The following CDC14A variants were observed in gnomAD, a reference collection of about 807,000 sequenced individuals.
CDC14A encodes dual specificity protein phosphatase CDC14A.
Under a neutral mutation model 74.4 loss-of-function variants are expected in CDC14A, and 53 were observed. The ratio of observed to expected loss-of-function variants is 0.71; its 90% CI spans 0.57 to 0.89. CDC14A has a LOEUF of 0.89. CDC14A is among the 40% of genes least tolerant of loss of function. The pLI is 0.00. For missense variants in CDC14A, 646 were observed against 713.7 expected (o/e 0.91, Z 1.08); for synonymous variants, 247 against 258.4 (o/e 0.96, Z 0.43).
intron 9 of CDC14A, among the ~76,000 whole-genome samples, chr1:100,464,926 C>CTTTTCT (rs1475672404): frequency 7.2e-6 from 1 of 138,836 alleles, no homozygotes; most frequent in African/African-American, 2.6e-5. Context: ...CTTTTCTTTT[C>CTTTTCT]TTTTTTTTTT....
chr1:100,356,627 A>C (rs142130264), intron 2 of CDC14A, among the ~76,000 whole-genome samples: 347 of 152,154 alleles, frequency 2.3e-3, no homozygotes, highest in African/African-American at 8.0e-3. Context: ...AGGCCGAGGC[A>C]GGTGGATCAC....
chr1:100,514,940 T>A (rs1225333142), intron 15 of CDC14A, among the ~76,000 whole-genome samples: 1 of 152,212 alleles, frequency 6.6e-6, no homozygotes, highest in Non-Finnish European at 1.5e-5. Context: ...CTATAAAAAT[T>A]AAAAATGCCA....
At chr1:100,513,374 A>T (rs1649943777) in intron 15 of CDC14A, among the ~76,000 whole-genome samples, 1 of 152,198 alleles carries the variant, frequency 6.6e-6, no homozygotes. Flanking sequence ...TGTGGTTAGA[A>T]CTTAAACCAG....
chr1:100,375,941 G>A (rs7545610), intron 2 of CDC14A, among the ~76,000 whole-genome samples: 46,692 of 151,894 alleles, frequency 0.31, 10,268 homozygotes, highest in African/African-American at 0.63. Context: ...AATGTGGCAC[G>A]TATACACCAT....
intron 10 of CDC14A, among the ~76,000 whole-genome samples, chr1:100,476,320 G>A (rs369583942): frequency 6.6e-6 from 1 of 152,286 alleles, no homozygotes; most frequent in South Asian, 2.1e-4. Flanking sequence ...GGGCATGGTG[G>A]CATGTGCCTG....
chr1:100,438,631 T>G (rs1216668291), intron 5 of CDC14A, among the ~76,000 whole-genome samples: 1 of 152,196 alleles, frequency 6.6e-6, no homozygotes, highest in Non-Finnish European at 1.5e-5. Flanking sequence ...CCTTTTGAAA[T>G]GAGACATAAA....
At chr1:100,401,183 G>C (rs1251249787) in intron 4 of CDC14A, among the ~76,000 whole-genome samples, 1 of 152,072 alleles carries the variant, frequency 6.6e-6, no homozygotes, top group African/African-American at 2.4e-5. Flanking sequence ...TGAATTAAGG[G>C]GATGTACTTT....
chr1:100,416,384 G>A lies in CDC14A; in HGVS notation c.310-7838G>A, dbSNP rs1661531036. 2.0e-5 allele frequency among the ~76,000 whole-genome samples: 3 copies of A among 152,146 alleles called. No homozygotes were observed. In the South Asian group the frequency reaches 6.2e-4, roughly 32 times the overall value. ...TGCAGAAAGACATGGCCCACCTCAG[G>A]GATCTTCTGATATTTTGATAATGGG... On this transcript the variant is annotated intron_variant, in intron 4 of 15. Transcript: ENST00000336454.
At chr1:100,504,955 T>G (rs1276345207) in intron 15 of CDC14A, 1 of 1,510,640 alleles carries the variant, frequency 6.6e-7, no homozygotes, top group African/African-American at 1.4e-5. Flanking sequence ...GAATCCACCC[T>G]ATAATTAATA....
intron 5 of CDC14A, among the ~76,000 whole-genome samples, chr1:100,426,710 T>A (rs1663000057): frequency 6.6e-6 from 1 of 152,192 alleles, no homozygotes; most frequent in Non-Finnish European, 1.5e-5. Flanking sequence ...TGATTTGATA[T>A]CAGTCTAGAA....
At chr1:100,386,451 T>G (rs530625773) in intron 3 of CDC14A, among the ~76,000 whole-genome samples, 1 of 152,294 alleles carries the variant, frequency 6.6e-6, no homozygotes, top group East Asian at 1.9e-4. Context: ...TAATCTGTAA[T>G]AGAGCAGGTA....
At chr1:100,499,746 T>G (rs948077375) in intron 15 of CDC14A, among the ~76,000 whole-genome samples, 2 of 152,112 alleles carry the variant, frequency 1.3e-5, no homozygotes, top group Non-Finnish European at 2.9e-5. Context: ...AGGTGCTGAG[T>G]GAACAGTATC....
At chr1:100,408,489 C>T (rs1021305708) in intron 4 of CDC14A, among the ~76,000 whole-genome samples, 3 of 152,182 alleles carry the variant, frequency 2.0e-5, no homozygotes, top group African/African-American at 7.2e-5. Context: ...TGAGGAATCA[C>T]CACACTGCTT....
chr1:100,422,197 A>T (rs1054852648), intron 4 of CDC14A, among the ~76,000 whole-genome samples: 1 of 152,222 alleles, frequency 6.6e-6, no homozygotes, highest in Non-Finnish European at 1.5e-5. Context: ...TAAGTCATGC[A>T]GGTAAGATGA....
At chr1:100,409,160 G>T (rs1214432597) in intron 4 of CDC14A, among the ~76,000 whole-genome samples, 3 of 151,210 alleles carry the variant, frequency 2.0e-5, no homozygotes, top group Admixed American at 6.6e-5. Context: ...TAAGAGAAGA[G>T]AACTTGTGCA....
At chr1:100,369,116 C>T (rs1284001599) in intron 2 of CDC14A, among the ~76,000 whole-genome samples, 1 of 145,888 alleles carries the variant, frequency 6.9e-6, no homozygotes, top group Non-Finnish European at 1.5e-5. Context: ...CTCGCTCTGT[C>T]GCCAGGCTGG....
At chr1:100,408,485 A>G (rs1660242604) in intron 4 of CDC14A, among the ~76,000 whole-genome samples, 1 of 152,206 alleles carries the variant, frequency 6.6e-6, no homozygotes, top group Non-Finnish European at 1.5e-5. Context: ...TCTTTGAGGA[A>G]TCACCACACT....
chr1:100,420,082 A>ATATATATATATATAGTGTGT (rs58124351), intron 4 of CDC14A, among the ~76,000 whole-genome samples: 1 of 105,526 alleles, frequency 9.5e-6, no homozygotes, highest in Non-Finnish European at 2.0e-5. Flanking sequence ...ATATATATAT[A>ATATATATATATATAGTGTGT]GTGTGTATGT....
At chr1:100,389,090 G>A (rs1180609608) in intron 3 of CDC14A, among the ~76,000 whole-genome samples, 1 of 142,872 alleles carries the variant, frequency 7.0e-6, no homozygotes, top group African/African-American at 2.8e-5. Context: ...TGAGAGGATC[G>A]ATTGAGGCTG....
Sources: gnomAD v4.1 joint callset for allele counts (sites outside exome capture counted in the v4.1 genomes callset) on GRCh38, gnomAD v4.1.1 for gene constraint, MANE v1.5 for transcripts, NCBI Gene and HGNC (gene_info 2026-07-23, HGNC 2026-07-21) for gene names.